Variants in TEX36 observed in about 807,000 individuals in gnomAD.
TEX36 encodes the protein testis expressed 36.
In TEX36, 12 loss-of-function variants were observed where a neutral mutation model predicts 13.6. That is an observed-to-expected ratio of 0.88 (90% CI 0.56 to 1.43). TEX36 has a LOEUF of 1.43. TEX36 is among the 40% of genes most tolerant of loss of function. The pLI, the probability that TEX36 is intolerant of heterozygous loss-of-function variation, is 0.00. For missense variants in TEX36, 224 were observed against 228.3 expected (o/e 0.98, Z 0.12); for synonymous variants, 93 against 83.0 (o/e 1.12, Z -0.65).
chr10:125,593,413 T>C (rs1846046330), intron 3 of TEX36, among the ~76,000 whole-genome samples: 1 of 152,246 alleles, frequency 6.6e-6, no homozygotes. Flanking sequence ...TCATCCTGCT[T>C]CTGCCACTTG....
chr10:125,636,063 T>G (rs999532970), intron 3 of TEX36, among the ~76,000 whole-genome samples: 6 of 151,798 alleles, frequency 4.0e-5, no homozygotes, highest in Non-Finnish European at 8.8e-5. Context: ...ATTGTAGAGA[T>G]GAGATCTCGC....
intron 3 of TEX36, among the ~76,000 whole-genome samples, chr10:125,634,687 T>G (rs1025714841): frequency 6.6e-6 from 1 of 152,190 alleles, no homozygotes; most frequent in Non-Finnish European, 1.5e-5. Flanking sequence ...CTAGAATGGA[T>G]AGCGCCCATT....
At chr10:125,665,069 G>A (rs577687306) in intron 1 of TEX36, among the ~76,000 whole-genome samples, 2 of 151,952 alleles carry the variant, frequency 1.3e-5, no homozygotes, top group South Asian at 4.2e-4. Flanking sequence ...GAATTACTTG[G>A]TTTTTTGGTT....
intron 3 of TEX36, among the ~76,000 whole-genome samples, chr10:125,607,754 T>A (rs994269816): frequency 6.6e-6 from 1 of 151,968 alleles, no homozygotes; most frequent in Non-Finnish European, 1.5e-5. Flanking sequence ...GCCCAGCACA[T>A]AGTCAGTGCT....
At chr10:125,631,401 G>A (rs1387590452) in intron 3 of TEX36, among the ~76,000 whole-genome samples, 1 of 152,152 alleles carries the variant, frequency 6.6e-6, no homozygotes, top group Non-Finnish European at 1.5e-5. Context: ...GGTGGGCCTC[G>A]GCTGTATGAC....
intron 3 of TEX36, among the ~76,000 whole-genome samples, chr10:125,595,877 G>C (rs1254019724): frequency 6.6e-6 from 1 of 152,180 alleles, no homozygotes. Context: ...CTACAAGGCA[G>C]GGATTTTTTC....
intron 3 of TEX36, among the ~76,000 whole-genome samples, chr10:125,608,416 GA>G (rs1565173223): frequency 6.6e-6 from 1 of 152,182 alleles, no homozygotes. Flanking sequence ...TTTAAAGAAT[GA>G]AAACAACAGT....
chr10:125,680,648 C>A (rs1847378996), intron 1 of TEX36, among the ~76,000 whole-genome samples: 1 of 152,210 alleles, frequency 6.6e-6, no homozygotes, highest in African/African-American at 2.4e-5. Flanking sequence ...TTACGGTCCT[C>A]CCAAATGGGC....
At chr10:125,681,351 G>T (rs1476835369) in intron 1 of TEX36, among the ~76,000 whole-genome samples, 1 of 152,214 alleles carries the variant, frequency 6.6e-6, no homozygotes, top group African/African-American at 2.4e-5. Context: ...ACTTTAGTCA[G>T]CCTTCTATAA....
intron 3 of TEX36, among the ~76,000 whole-genome samples, chr10:125,601,637 A>T (rs974082576): frequency 6.6e-6 from 1 of 152,212 alleles, no homozygotes; most frequent in South Asian, 2.1e-4. Context: ...AAGATGGTGC[A>T]CACTGCTTCC....
chr10:125,653,541 A>G (rs562217889), downstream of TEX36, among the ~76,000 whole-genome samples: 39 of 152,124 alleles, frequency 2.6e-4, no homozygotes, highest in African/African-American at 9.2e-4. Flanking sequence ...AATATAAATG[A>G]CGAGTTAACA....
Position 125,669,171 on chromosome 10 carries a change from G to T in TEX36, c.52-7194C>A, listed in dbSNP as rs185747993. Among the ~76,000 whole-genome samples, 60 of 152,074 alleles carry T rather than the reference G, an allele frequency of 3.9e-4. 3 individuals carry two copies. The East Asian group carries it at 0.01, about 26-fold the overall frequency. On this transcript the variant is annotated intron_variant, in intron 1 of 3. Coordinates refer to ENST00000368821, the MANE Select transcript of TEX36 (RefSeq NM_001128202.3). Reference sequence around the variant, plus strand: ...CTGGGTGTGATGGTGTGCACCTGTAGTCCCAGCTACTCGGGAGGCTGAGGC... The same window carrying T: ...CTGGGTGTGATGGTGTGCACCTGTATTCCCAGCTACTCGGGAGGCTGAGGC...
intron 3 of TEX36, among the ~76,000 whole-genome samples, chr10:125,645,288 T>C (rs1047006955): frequency 2.0e-5 from 3 of 152,222 alleles, no homozygotes; most frequent in African/African-American, 7.2e-5. Context: ...CATTGAGAGA[T>C]GGGACCTTTT....
At chr10:125,661,680 C>G (rs7075452) in intron 2 of TEX36, among the ~76,000 whole-genome samples, 166 bp downstream of exon 2, 72,178 of 152,126 alleles carry the variant, frequency 0.47, 20,822 homozygotes, top group African/African-American at 0.81. Flanking sequence ...GTTCCTGCCG[C>G]AGAGCACCAG....
chr10:125,664,944 G>A (rs1200358823), intron 1 of TEX36, among the ~76,000 whole-genome samples: 1 of 152,132 alleles, frequency 6.6e-6, no homozygotes, highest in Non-Finnish European at 1.5e-5. Context: ...TTGTAGCTTG[G>A]ATTTCCATTT....
In TEX36 at chr10:125,648,263, G is replaced by A. The variant is rs188633395; in HGVS notation, c.264+12758C>T. ...TGGGAGACACCTACCAGTAGGGGCC[G>A]ACCAACATCTCATACAGTTGGGTGC... On this transcript the variant is annotated intron_variant, in intron 3 of 3. Coordinates refer to the TEX36 transcript ENST00000526819. Among the ~76,000 whole-genome samples the A allele has an allele frequency of 2.5e-3, 385 of 152,298 alleles. 1 individual carries two copies. The highest frequency in any genetic ancestry group is 4.1e-3 in the Non-Finnish European group (281 of 68,024).
chr10:125,588,866 T>C (rs1040461738), intron 3 of TEX36, among the ~76,000 whole-genome samples: 1 of 152,214 alleles, frequency 6.6e-6, no homozygotes, highest in African/African-American at 2.4e-5. Flanking sequence ...CCCACATGCC[T>C]TGGCCTCCCA....
At chr10:125,621,573 T>A (rs1254331478), downstream of TEX36, 1 of 455,840 alleles carries the variant, frequency 2.2e-6, no homozygotes. Context: ...TATGTATGTA[T>A]AAAATGGAGT....
At chr10:125,670,684 G>GGGTATTGCCTAATTTTCTTTTA (rs1847210370) in intron 1 of TEX36, among the ~76,000 whole-genome samples, 4 of 152,064 alleles carry the variant, frequency 2.6e-5, no homozygotes, top group Non-Finnish European at 5.9e-5. Flanking sequence ...ATGTCCTGAA[G>GGGTATTGCCTAATTTTCTTTTA]GGTATTGCCT....
Sources: allele counts gnomAD v4.1 joint callset (sites outside exome capture counted in the v4.1 genomes callset), GRCh38; gene constraint gnomAD v4.1.1; transcripts MANE v1.5; gene names NCBI Gene and HGNC (gene_info 2026-07-23, HGNC 2026-07-21).